The following PRCC variants were observed in gnomAD, a reference collection of about 807,000 sequenced individuals.
PRCC encodes proline-rich protein PRCC.
A neutral mutation model predicts 44.0 loss-of-function variants in PRCC; 10 were observed. That is an observed-to-expected ratio of 0.23 (90% CI 0.14 to 0.39). PRCC has a LOEUF of 0.39. PRCC is among the 10% of genes least tolerant of loss of function. The pLI is 1.00. For synonymous variants in PRCC, 278 were observed against 259.5 expected (o/e 1.07, Z -0.69); for missense variants, 573 against 624.7 (o/e 0.92, Z 0.88).
chr1:156,781,148 C>T (rs1558049179), intron 1 of PRCC, among the ~76,000 whole-genome samples: 1 of 152,150 alleles, frequency 6.6e-6, no homozygotes, highest in Admixed American at 6.5e-5. Flanking sequence ...AAGCACACTG[C>T]GGGAAATGGT....
At chr1:156,769,737 C>T (rs1210522239) in intron 1 of PRCC, among the ~76,000 whole-genome samples, 2 of 152,010 alleles carry the variant, frequency 1.3e-5, no homozygotes, top group African/African-American at 2.4e-5. Flanking sequence ...GTAGCTGGGA[C>T]TACAGGCGCC....
In PRCC at chr1:156,786,053, G is replaced by A. The variant is rs139177649; in HGVS notation, c.517-555G>A. Among the ~76,000 whole-genome samples the A allele has an allele frequency of 1.9e-3, 288 of 152,124 alleles. 1 individual carries two copies. In the Middle Eastern group the frequency reaches 0.031, roughly 16 times the overall value. ...TCTCAAACTCCTGACCTCATGATCC[G>A]CCCACCTTGGTCTCCCAAAGTGCTG... On this transcript the variant is annotated intron_variant, in intron 2 of 6. Coordinates refer to ENST00000271526, the MANE Select transcript of PRCC (RefSeq NM_005973.5).
intron 2 of PRCC, 48 bp downstream of exon 2, chr1:156,782,377 C>G: frequency 6.6e-7 from 1 of 1,506,046 alleles, no homozygotes; most frequent in Non-Finnish European, 9.2e-7. Flanking sequence ...TGTATTATTT[C>G]CTCAAAGACA....
intron 6 of PRCC, among the ~76,000 whole-genome samples, chr1:156,798,348 C>G (rs1173747770): frequency 1.3e-5 from 2 of 152,196 alleles, no homozygotes; most frequent in African/African-American, 2.4e-5. Context: ...GCTCTGTTGC[C>G]AGGCTGGAGT....
chr1:156,793,109 T>A (rs1201632935), intron 4 of PRCC, among the ~76,000 whole-genome samples: 3 of 152,174 alleles, frequency 2.0e-5, no homozygotes, highest in African/African-American at 4.8e-5. Context: ...AAAAAATAAT[T>A]CTTCTCTGCT....
In PRCC at chr1:156,785,582, C is replaced by A. The variant is rs542306213; in HGVS notation, c.517-1026C>A. Among the ~76,000 whole-genome samples the A allele has an allele frequency of 3.4e-5, 5 of 146,578 alleles. No individual in the cohort carries two copies. In the South Asian group the frequency reaches 1.1e-3, roughly 32 times the overall value. On this transcript the variant is annotated intron_variant, in intron 2 of 6. Transcript: ENST00000271526. ...CCACCCAAGCTGAGGCTTCAGGTTC[C>A]TATCTAAGGGGGGGAAAAAAAAGAG...
intron 6 of PRCC, 29 bp from the exon 7 acceptor site, chr1:156,800,345 C>T (rs1356882285): frequency 1.9e-6 from 3 of 1,607,534 alleles, no homozygotes; most frequent in Admixed American, 1.7e-5. Context: ...TCCAGTTTGA[C>T]CCTCCCCTAC....
intron 1 of PRCC, among the ~76,000 whole-genome samples, chr1:156,776,224 CTG>C (rs1166148696): frequency 1.3e-5 from 2 of 152,088 alleles, no homozygotes; most frequent in East Asian, 3.9e-4. Flanking sequence ...AATAAAATAA[CTG>C]AGCATGGTGG....
chr1:156,771,299 G>A (rs1423379494), intron 1 of PRCC, among the ~76,000 whole-genome samples: 3 of 152,184 alleles, frequency 2.0e-5, no homozygotes, highest in African/African-American at 7.2e-5. Flanking sequence ...ATGGGCCTTG[G>A]ATGCCATGCT....
At position 156,797,348 on chromosome 1, in the gene PRCC, GAC is replaced by G. The variant is rs1652690832; in HGVS notation, c.1389+9_1389+10del. 1 of 1,613,994 alleles carries G rather than the reference GAC, an allele frequency of 6.2e-7. No individual in the cohort carries two copies. The highest frequency in any genetic ancestry group is 8.5e-7 in the Non-Finnish European group (1 of 1,179,946). On this transcript the variant is annotated splice_region_variant and intron_variant, in intron 6 of 6. Coordinates refer to ENST00000271526, the MANE Select transcript of PRCC (RefSeq NM_005973.5). ...CACATATCTTATTCATCAGGTGAGA[GAC>G]AGCTGAGGGCTCTGGCTCAGGCAGG...
intron 1 of PRCC, among the ~76,000 whole-genome samples, chr1:156,768,569 GAGAAC>G (rs771658784): frequency 2.0e-5 from 3 of 152,136 alleles, no homozygotes; most frequent in Non-Finnish European, 2.9e-5. Context: ...TCCTCCTACT[GAGAAC>G]AGGATGAAAT....
rs553076841 is a variant in PRCC at position 156,781,636 on chromosome 1, A to G, written c.469-646A>G. ...AGCAATCCTGATGAGTCAGAAGGAT[A>G]ACACAGATGACCTCCTGTCTTGCCC... On this transcript the variant is annotated intron_variant, in intron 1 of 6. Coordinates refer to ENST00000271526, the MANE Select transcript of PRCC (RefSeq NM_005973.5). Among the ~76,000 whole-genome samples, 9 of 152,364 alleles carry G rather than the reference A, an allele frequency of 5.9e-5. No individual in the cohort carries two copies. In the South Asian group the frequency reaches 1.4e-3, roughly 25 times the overall value.
Position 156,792,053 on chromosome 1 carries a change from C to CTTTTTTTTTTTTTTTTTTT in PRCC, c.1179+271_1179+289dup, listed in dbSNP as rs67388360. ...ACAGAGTCAGGGATCTAGTCCCCTT[C>CTTTTTTTTTTTTTTTTTTT]TTTTTTTTTTTTTTTTTTTTTTTTT... On this transcript the variant is annotated intron_variant, in intron 4 of 6. Transcript: ENST00000271526. 2.1e-3 allele frequency among the ~76,000 whole-genome samples: 122 copies of CTTTTTTTTTTTTTTTTTTT among 58,456 alleles called. 19 individuals are homozygous for CTTTTTTTTTTTTTTTTTTT. Among genetic ancestry groups the CTTTTTTTTTTTTTTTTTTT allele is most frequent in the Middle Eastern group, 0.023 (1 of 44 alleles). 38.3% of individuals were successfully genotyped at this position (58,456 alleles called of 152,430 possible).
intron 6 of PRCC, among the ~76,000 whole-genome samples, chr1:156,799,939 T>C (rs1394692398): frequency 6.6e-6 from 1 of 152,204 alleles, no homozygotes; most frequent in South Asian, 2.1e-4. Context: ...AGCAATTGTT[T>C]GTTGGTGTTC....
chr1:156,770,518 G>A (rs1342124180), intron 1 of PRCC, among the ~76,000 whole-genome samples: 1 of 152,254 alleles, frequency 6.6e-6, no homozygotes, highest in Admixed American at 6.5e-5. Context: ...GGGATTACAG[G>A]CATGTGCCAC....
chr1:156,779,015 G>T (rs755623113), intron 1 of PRCC, among the ~76,000 whole-genome samples: 48 of 145,508 alleles, frequency 3.3e-4, no homozygotes, highest in Non-Finnish European at 3.4e-4. Context: ...GGTCAGGCTG[G>T]TCTCAAACTC....
chr1:156,784,242 C>T (rs973897152), intron 2 of PRCC, among the ~76,000 whole-genome samples: 5 of 152,150 alleles, frequency 3.3e-5, no homozygotes, highest in African/African-American at 4.8e-5. Context: ...CCACCGCGCC[C>T]GGCCCTGGTG....
chr1:156,769,822 G>A (rs962311379), intron 1 of PRCC, among the ~76,000 whole-genome samples: 2 of 152,018 alleles, frequency 1.3e-5, no homozygotes, highest in Non-Finnish European at 2.9e-5. Context: ...GGATGGTCTC[G>A]ATCTCCTGAC....
At chr1:156,777,759 A>G (rs1011135585) in intron 1 of PRCC, among the ~76,000 whole-genome samples, 2 of 152,216 alleles carry the variant, frequency 1.3e-5, no homozygotes, top group Admixed American at 6.5e-5. Context: ...GGTGAGAGTC[A>G]TCAGAGAGAC....
Sources: allele counts gnomAD v4.1 joint callset (sites outside exome capture counted in the v4.1 genomes callset), GRCh38; gene constraint gnomAD v4.1.1; transcripts MANE v1.5; gene names NCBI Gene and HGNC (gene_info 2026-07-23, HGNC 2026-07-21).